Variants in TFCP2L1 observed in about 807,000 individuals in gnomAD.
TFCP2L1 encodes the protein transcription factor CP2 like 1.
TFCP2L1 carries 12 observed loss-of-function variants against 72.2 expected under a neutral mutation model. That is an observed-to-expected ratio of 0.17 (90% CI 0.11 to 0.27). TFCP2L1 has a LOEUF of 0.27. Among genes scored for constraint, TFCP2L1 ranks in the 10% least tolerant of loss-of-function variants. The pLI, the probability that TFCP2L1 is intolerant of heterozygous loss-of-function variation, is 1.00. For synonymous variants in TFCP2L1, 260 were observed against 251.0 expected (o/e 1.04, Z -0.34); for missense variants, 488 against 624.6 (o/e 0.78, Z 2.33).
chr2:121,246,149 C>G (rs1450779798), intron 6 of TFCP2L1, among the ~76,000 whole-genome samples: 1 of 152,210 alleles, frequency 6.6e-6, no homozygotes, highest in Non-Finnish European at 1.5e-5. Flanking sequence ...GGATTGCCCT[C>G]ATGCCCTGAG....
At chr2:121,259,922 T>C (rs1686800396) in intron 2 of TFCP2L1, among the ~76,000 whole-genome samples, 1 of 152,190 alleles carries the variant, frequency 6.6e-6, no homozygotes, top group South Asian at 2.1e-4. Flanking sequence ...CTCCACACTG[T>C]TCCAAGTACA....
chr2:121,267,037 T>C (rs180829786), intron 2 of TFCP2L1, among the ~76,000 whole-genome samples: 19 of 151,646 alleles, frequency 1.3e-4, no homozygotes, highest in Admixed American at 1.1e-3. Context: ...CTCAGCCTCC[T>C]GAGTAGAGTT....
intron 3 of TFCP2L1, among the ~76,000 whole-genome samples, chr2:121,249,316 C>T (rs1241856836): frequency 6.6e-6 from 1 of 152,200 alleles, no homozygotes; most frequent in South Asian, 2.1e-4. Flanking sequence ...AAGTGCTTTA[C>T]GTTATTAACC....
At chr2:121,278,793 C>T (rs1687198926) in intron 2 of TFCP2L1, among the ~76,000 whole-genome samples, 1 of 151,774 alleles carries the variant, frequency 6.6e-6, no homozygotes. Flanking sequence ...CACTTGAGGC[C>T]AGGAGTTCAA....
At position 121,217,024 on chromosome 2, in the gene TFCP2L1, C is replaced by T. The variant is rs1256598728; in HGVS notation, c.*7317G>A. On this transcript the variant is annotated 3_prime_UTR_variant, in exon 15 of 15. Transcript: ENST00000263707. ...CTTTTCCCAGCAGAGCACACCCAGC[C>T]AGCAATGAGGCCTCAGGACAGAGCC... 3 of 152,408 alleles carry T rather than the reference C, an allele frequency of 2.0e-5. No individual in the cohort carries two copies. The highest frequency in any genetic ancestry group is 4.4e-5 in the Non-Finnish European group (3 of 68,196). 9.4% of individuals were successfully genotyped at this position (152,408 alleles called of 1,614,324 possible).
intron 2 of TFCP2L1, among the ~76,000 whole-genome samples, chr2:121,265,703 C>T (rs543509350): frequency 1.3e-5 from 2 of 151,606 alleles, no homozygotes; most frequent in East Asian, 2.0e-4. Flanking sequence ...AGGCTGGTCT[C>T]GAACTCCTGA....
At chr2:121,271,061 G>A (rs1687037044) in intron 2 of TFCP2L1, among the ~76,000 whole-genome samples, 4 of 151,634 alleles carry the variant, frequency 2.6e-5, no homozygotes, top group Non-Finnish European at 2.9e-5. Flanking sequence ...ATGATGGCAG[G>A]TGCCTGTAAT....
rs1177350319 is a variant in TFCP2L1 at position 121,221,251 on chromosome 2, T to G, written c.*3090A>C. On this transcript the variant is annotated 3_prime_UTR_variant, in exon 15 of 15. Coordinates refer to ENST00000263707, the MANE Select transcript of TFCP2L1 (RefSeq NM_014553.3). ...TTGGTCTCAACCTTCCTCCAAGGAC[T>G]AGTGTGTGGAGCTAGAACATGCACC... 6.6e-6 allele frequency: 1 copy of G among 152,160 alleles called. No individual in the cohort carries two copies. Among genetic ancestry groups the G allele is most frequent in the African/African-American group, 2.4e-5 (1 of 41,426 alleles). 9.4% of individuals were successfully genotyped at this position (152,160 alleles called of 1,614,324 possible). A position where few individuals can be genotyped will look rare whatever the true frequency, so the allele number is the denominator to read the frequency against.
chr2:121,269,907 T>TCAACA (rs750107740), intron 2 of TFCP2L1, among the ~76,000 whole-genome samples: 4 of 77,612 alleles, frequency 5.2e-5, no homozygotes, highest in African/African-American at 2.0e-4. Context: ...AGACTCCATC[T>TCAACA]AAAAAAAAAA....
chr2:121,264,292 G>T (rs1483386503), intron 2 of TFCP2L1, among the ~76,000 whole-genome samples: 1 of 152,228 alleles, frequency 6.6e-6, no homozygotes, highest in East Asian at 1.9e-4. Context: ...CCTTTCTGGA[G>T]CAGTCTCTAC....
At position 121,223,327 on chromosome 2, in the gene TFCP2L1, A is replaced by G. The variant is rs535302768; in HGVS notation, c.*1014T>C. On this transcript the variant is annotated 3_prime_UTR_variant, in exon 15 of 15. Transcript: ENST00000263707. ...ATGATGCACCCATTCTGATGCAGGC[A>G]AAATATCCTAAACATAGCCTCTACA... 2 of 152,348 alleles carry G rather than the reference A, an allele frequency of 1.3e-5. No individual in the cohort carries two copies. Among genetic ancestry groups the G allele is most frequent in the East Asian group, 3.9e-4 (2 of 5,182 alleles). The allele number at this position is 152,348 out of a possible 1,614,324, so 9.4% of individuals were successfully genotyped here.
rs576219018 is a variant in TFCP2L1 at position 121,273,176 on chromosome 2, T to A, written c.214+7944A>T. 2.0e-5 allele frequency among the ~76,000 whole-genome samples: 3 copies of A among 152,346 alleles called. No homozygotes were observed. The East Asian group carries it at 5.8e-4, about 29-fold the overall frequency. ...TACTATACTTAAGACTCAAGAGTTG[T>A]TTTGACAGAAAATATCAAAGCATTC... On this transcript the variant is annotated intron_variant, in intron 2 of 14. Transcript: ENST00000263707.
chr2:121,259,459 C>A (rs777981436), intron 2 of TFCP2L1, among the ~76,000 whole-genome samples: 1 of 152,182 alleles, frequency 6.6e-6, no homozygotes, highest in Non-Finnish European at 1.5e-5. Context: ...ATAGGTGCAT[C>A]TATATAGATA....
intron 4 of TFCP2L1, among the ~76,000 whole-genome samples, 190 bp from the exon 5 acceptor site, chr2:121,248,460 G>A (rs896521572): frequency 1.1e-4 from 17 of 152,166 alleles, no homozygotes; most frequent in Admixed American, 2.0e-4. Flanking sequence ...TCTTCACCCC[G>A]TTTTGTATGA....
chr2:121,242,083 C>CAAAAAAAAA (rs541937558), intron 7 of TFCP2L1, among the ~76,000 whole-genome samples: 1 of 65,480 alleles, frequency 1.5e-5, no homozygotes, highest in African/African-American at 5.2e-5. Flanking sequence ...ATTACCTACT[C>CAAAAAAAAA]AAAAAAAAAA....
chr2:121,225,916 G>A (rs1481120307), intron 13 of TFCP2L1, among the ~76,000 whole-genome samples: 8 of 126,246 alleles, frequency 6.3e-5, no homozygotes, highest in South Asian at 2.6e-4. Flanking sequence ...ACACGGGAAC[G>A]TGGTAAACAC....
At chr2:121,244,598 G>A (rs562949089) in intron 6 of TFCP2L1, among the ~76,000 whole-genome samples, 1 of 152,240 alleles carries the variant, frequency 6.6e-6, no homozygotes, top group East Asian at 1.9e-4. Flanking sequence ...TGAGGAGCCT[G>A]GTAGACAGAG....
intron 1 of TFCP2L1, among the ~76,000 whole-genome samples, chr2:121,282,812 C>T (rs561305679): frequency 5.9e-5 from 9 of 152,270 alleles, no homozygotes; most frequent in African/African-American, 2.2e-4. Flanking sequence ...CATAAACAAG[C>T]GTCTCTACAA....
chr2:121,268,445 C>T (rs13007786), intron 2 of TFCP2L1, among the ~76,000 whole-genome samples: 10 of 152,206 alleles, frequency 6.6e-5, no homozygotes, highest in Non-Finnish European at 1.2e-4. Flanking sequence ...CCTCAACCTC[C>T]TGGGCTCAAG....
Sources: allele counts gnomAD v4.1 joint callset (sites outside exome capture counted in the v4.1 genomes callset), GRCh38; gene constraint gnomAD v4.1.1; transcripts MANE v1.5; gene names NCBI Gene and HGNC (gene_info 2026-07-23, HGNC 2026-07-21).